Variants in FAR1 observed in about 807,000 individuals in gnomAD.
FAR1 encodes male sterility domain-containing protein 2.
FAR1 carries 22 observed loss-of-function variants against 61.1 expected under a neutral mutation model. That is an observed-to-expected ratio of 0.36 (90% CI 0.26 to 0.51). The LOEUF (loss-of-function observed/expected upper bound fraction) is 0.51, where lower values mean the gene tolerates loss of function less well. Among genes scored for constraint, FAR1 ranks in the 20% least tolerant of loss-of-function variants. The pLI is 0.95. For synonymous variants in FAR1, 206 were observed against 209.7 expected, an observed-to-expected ratio of 0.98 and a Z score of 0.15; for missense variants, 359 against 626.9, an observed-to-expected ratio of 0.57 and a Z score of 4.56.
Position 13,704,379 on chromosome 11 carries a change from G to T in FAR1, c.366-3521G>T, listed in dbSNP as rs548623833. Among the ~76,000 whole-genome samples the T allele has an allele frequency of 9.7e-4, 147 of 152,258 alleles. 1 individual carries two copies. The highest frequency in any genetic ancestry group is 3.0e-3 in the African/African-American group (123 of 41,546). ...TATGAAAGATTTTCAGAAAGGAATG[G>T]AAGTTAAGATTGATGCTTAGAAAAG... is the stretch of plus-strand genomic sequence containing the variant. On this transcript the variant is annotated intron_variant, in intron 3 of 11. Coordinates refer to ENST00000354817, the MANE Select transcript of FAR1 (RefSeq NM_032228.6).
chr11:13,717,839 G>A (rs1848571774), intron 9 of FAR1, among the ~76,000 whole-genome samples: 1 of 152,050 alleles, frequency 6.6e-6, no homozygotes, highest in African/African-American at 2.4e-5. Flanking sequence ...GGCTGGATTT[G>A]GTATATAGGC....
At chr11:13,711,113 G>A (rs984585897) in intron 5 of FAR1, 2 of 458,396 alleles carry the variant, frequency 4.4e-6, no homozygotes, top group Non-Finnish European at 7.6e-6. Flanking sequence ...TAAAAGCTGT[G>A]ACATTTTCTT....
chr11:13,709,218 G>T (rs1363321999), intron 4 of FAR1, among the ~76,000 whole-genome samples: 1 of 151,750 alleles, frequency 6.6e-6, no homozygotes, highest in African/African-American at 2.4e-5. Context: ...TTTCTTTAAG[G>T]CTTTCCTGCT....
rs536690817 is a variant in FAR1, at chr11:13,696,082, G to A, written c.189+1128G>A. On this transcript the variant is annotated intron_variant, in intron 2 of 11. Transcript: ENST00000354817. ...ATCAATGGGGCTGTAAAACCACAAG[G>A]CTTGTTCTAAGTAAAATGTCTACAT... Among the ~76,000 whole-genome samples the A allele has an allele frequency of 3.9e-5, 6 of 152,166 alleles. No homozygotes were observed. In the South Asian group the frequency reaches 1.0e-3, roughly 26 times the overall value.
In FAR1 at chr11:13,721,749, C is replaced by T; in HGVS notation, c.1147C>T (p.Arg383Cys). 3 of 1,609,846 alleles carry T rather than the reference C, an allele frequency of 1.9e-6. No individual in the cohort carries two copies. Among genetic ancestry groups the T allele is most frequent in the Non-Finnish European group, 2.5e-6 (3 of 1,178,094 alleles). ...ATACAGGATGATGAAAACAATAACTCGTCTTCACAAAGCTATGGTGTTTCT... is the reference window on the plus strand; with the variant it reads ...ATACAGGATGATGAAAACAATAACTTGTCTTCACAAAGCTATGGTGTTTCT... ...RSPRMMKTITRLHKAMVFLEY... is the reference protein window; with the variant it reads ...RSPRMMKTITCLHKAMVFLEY... Residue 383 changes from arginine (R) to cysteine (C), a missense_variant, in exon 10 of 12, where the codon CGT (arginine) becomes TGT (cysteine). Transcript: ENST00000354817. The surrounding 1 kb of genome is among the most constrained non-coding windows in gnomAD (Gnocchi z 4.2).
chr11:13,721,848 G>A lies in FAR1; in HGVS notation c.1246G>A (p.Glu416Lys). ...TATGTTAATGAATCAACTAAACCCTGAAGATAAAAAGGCAAGCAAGTATTT... is the reference window on the plus strand; with the variant it reads ...TATGTTAATGAATCAACTAAACCCTAAAGATAAAAAGGCAAGCAAGTATTT... ...VNMLMNQLNP[E>K]DKKTFNIDVR... Residue 416 changes from glutamate to lysine, a missense_variant, in exon 10 of 12, where the codon GAA (glutamate) becomes AAA (lysine). This residue lies in a region of FAR1 where 344 missense variants were observed against 570.3 expected (regional missense o/e 0.60). Coordinates refer to ENST00000354817, the MANE Select transcript of FAR1 (RefSeq NM_032228.6). The surrounding 1 kb of genome is among the most constrained non-coding windows in gnomAD (Gnocchi z 4.2). 1 of 1,597,428 alleles carries A rather than the reference G, an allele frequency of 6.3e-7. No homozygotes were observed. Among genetic ancestry groups the A allele is most frequent in the Non-Finnish European group, 8.5e-7 (1 of 1,173,744 alleles).
rs1848695040 is a variant in FAR1, at chr11:13,729,106, A to G, written c.*332A>G. 1 of 172,144 alleles carries G rather than the reference A, an allele frequency of 5.8e-6. No individual in the cohort carries two copies. The highest frequency in any genetic ancestry group is 1.3e-5 in the Non-Finnish European group (1 of 79,820). The allele number at this position is 172,144 out of a possible 1,614,324, so 10.7% of individuals were successfully genotyped here. A position where few individuals can be genotyped will look rare whatever the true frequency, so the allele number is the denominator to read the frequency against. ...TGTGCAATTCTGGAACATATTAATT[A>G]AAATAATATGCCTTAACATATAGTG... On this transcript the variant is annotated 3_prime_UTR_variant, in exon 12 of 12. Coordinates refer to ENST00000354817, the MANE Select transcript of FAR1 (RefSeq NM_032228.6).
intron 1 of FAR1, among the ~76,000 whole-genome samples, chr11:13,684,083 G>A (rs546661460): frequency 2.0e-5 from 3 of 152,292 alleles, no homozygotes; most frequent in African/African-American, 7.2e-5. Context: ...TGTGAATGAG[G>A]TGAATCTCAC....
chr11:13,694,995 G>A (rs774938787), intron 2 of FAR1, 41 bp downstream of exon 2: 15 of 1,499,550 alleles, frequency 1.0e-5, no homozygotes, highest in South Asian at 6.5e-5. Flanking sequence ...AGAAAAAAGC[G>A]TGTGCTTGTG....
At chr11:13,713,154 A>G in intron 8 of FAR1, 121 bp downstream of exon 8, 1 of 836,362 alleles carries the variant, frequency 1.2e-6, no homozygotes, top group Non-Finnish European at 2.1e-6. Flanking sequence ...TTTGTTCTTA[A>G]TTGTCGTCTT....
At chr11:13,724,483 G>A (rs1403901204) in intron 10 of FAR1, among the ~76,000 whole-genome samples, 1 of 149,796 alleles carries the variant, frequency 6.7e-6, no homozygotes, top group Non-Finnish European at 1.5e-5. Flanking sequence ...CTAGGAGGCA[G>A]AGGTTGCAGG....
intron 4 of FAR1, among the ~76,000 whole-genome samples, chr11:13,708,349 C>CTCTG (rs1491275017): frequency 1.3e-5 from 2 of 151,554 alleles, no homozygotes; most frequent in African/African-American, 4.9e-5. Context: ...CACAGTGAAA[C>CTCTG]TCTGTCTCAA....
chr11:13,679,383 A>G (rs1020567549), intron 1 of FAR1, among the ~76,000 whole-genome samples: 1 of 152,164 alleles, frequency 6.6e-6, no homozygotes, highest in Admixed American at 6.5e-5. Flanking sequence ...TTCTTCCCCT[A>G]GAAGGAAATT....
intron 1 of FAR1, among the ~76,000 whole-genome samples, chr11:13,680,630 A>G (rs938417001): frequency 6.6e-6 from 1 of 152,100 alleles, no homozygotes; most frequent in African/African-American, 2.4e-5. Context: ...CAAGAGAGAA[A>G]GAGGAAGAGC....
intron 7 of FAR1, 41 bp from the exon 8 acceptor site, chr11:13,712,925 C>G: frequency 6.5e-7 from 1 of 1,535,500 alleles, no homozygotes; most frequent in African/African-American, 1.4e-5. Context: ...ATATGTTTGG[C>G]CTCTTATTAT....
At chr11:13,678,805 A>G (rs1848095213) in intron 1 of FAR1, among the ~76,000 whole-genome samples, 1 of 152,130 alleles carries the variant, frequency 6.6e-6, no homozygotes, top group African/African-American at 2.4e-5. Context: ...GATAAAGCAT[A>G]TAGTTTCCTA....
Position 13,708,069 on chromosome 11 carries a change from G to A in FAR1, c.535G>A (p.Asp179Asn). 1 of 1,584,128 alleles carries A rather than the reference G, an allele frequency of 6.3e-7. No homozygotes were observed. Among genetic ancestry groups the A allele is most frequent in the Non-Finnish European group, 8.6e-7 (1 of 1,166,852 alleles). ...ACCTGTGGATCCCAAGAAGCTGATT[G>A]ATTCTTTAGAGTATGTTTGTTTGAA... ...PPPVDPKKLI[D>N]SLEWMDDGLV... is the part of the protein sequence containing the mutation. Residue 179 changes from aspartate to asparagine, a missense_variant, in exon 4 of 12, where the codon GAT becomes AAT. Physicochemically the swap from Asp to Asn is conservative, Grantham distance 23. Around this residue, in one of 2 missense-constraint regions of FAR1, gnomAD observed 344 missense variants for 570.3 expected, o/e 0.60. Transcript: ENST00000354817.
chr11:13,702,061 G>C lies in FAR1; in HGVS notation c.365+1569G>C, dbSNP rs576561638. The stretch of plus-strand genomic sequence containing the variant: ...TGTCTCAGTTTGACTGTCCATGGCA[G>C]GAAATCTGAATCTGTAGCAGTTGCT... On this transcript the variant is annotated intron_variant, in intron 3 of 11. Coordinates refer to ENST00000354817, the MANE Select transcript of FAR1 (RefSeq NM_032228.6). Among the ~76,000 whole-genome samples, 48 of 152,164 alleles carry C rather than the reference G, an allele frequency of 3.2e-4. 1 individual carries two copies. In the South Asian group the frequency reaches 1.0e-2, roughly 32 times the overall value.
intron 1 of FAR1, among the ~76,000 whole-genome samples, chr11:13,674,308 CA>C (rs375685986): frequency 0.021 from 1,480 of 69,368 alleles, 5 homozygotes; most frequent in African/African-American, 0.025. Context: ...GACTCCGTCT[CA>C]AAAAAAAAAA....
Sources: gnomAD v4.1 joint callset for allele counts (sites outside exome capture counted in the v4.1 genomes callset) on GRCh38, gnomAD v4.1.1 for gene constraint, gnomAD v4.1.1 regional missense constraint, Gnocchi (gnomAD v3.1) non-coding constraint, MANE v1.5 for transcripts, NCBI Gene and HGNC (gene_info 2026-07-23, HGNC 2026-07-21) for gene names.